Variants in SUGCT observed in about 807,000 individuals in gnomAD.
SUGCT encodes succinyl-CoA:glutarate CoA-transferase.
SUGCT carries 41 observed loss-of-function variants against 55.0 expected under a neutral mutation model. That is an observed-to-expected ratio of 0.74 (90% CI 0.58 to 0.97). The LOEUF (loss-of-function observed/expected upper bound fraction) is 0.97, where lower values mean the gene tolerates loss of function less well. Ranked by LOEUF, SUGCT falls within the 50% of genes least tolerant of loss-of-function variation. The pLI is 0.00. For missense variants in SUGCT, 568 were observed against 547.8 expected (o/e 1.04, Z -0.37); for synonymous variants, 187 against 200.4 (o/e 0.93, Z 0.56).
intron 12 of SUGCT, among the ~76,000 whole-genome samples, chr7:40,532,842 T>C (rs1187382532): frequency 3.3e-5 from 5 of 152,172 alleles, no homozygotes; most frequent in African/African-American, 1.2e-4. Flanking sequence ...CGTATGTGAA[T>C]TATGAATACA....
At chr7:40,974,676 A>T in the SUGCT span, among the ~76,000 whole-genome samples, 1 of 152,172 alleles carries the variant, frequency 6.6e-6, no homozygotes, top group African/African-American at 2.4e-5. Flanking sequence ...GGCAGGTGGA[A>T]GTCCAATCAC....
intron 6 of SUGCT, among the ~76,000 whole-genome samples, chr7:40,237,403 C>A (rs1242550973): frequency 6.6e-6 from 1 of 151,910 alleles, no homozygotes; most frequent in Admixed American, 6.6e-5. Flanking sequence ...GAGATCGAAC[C>A]ACTACACTCC....
At chr7:40,804,880 TA>T (rs1455487767) in intron 13 of SUGCT, among the ~76,000 whole-genome samples, 12 of 152,190 alleles carry the variant, frequency 7.9e-5, no homozygotes, top group African/African-American at 2.7e-4. Flanking sequence ...ATTCTGTTAA[TA>T]ATGCTAGAAA....
At chr7:40,470,929 G>A (rs977368305) in intron 11 of SUGCT, among the ~76,000 whole-genome samples, 1 of 152,030 alleles carries the variant, frequency 6.6e-6, no homozygotes, top group Non-Finnish European at 1.5e-5. Flanking sequence ...TTTGGAAAGA[G>A]AAAAAATCCA....
the SUGCT span, among the ~76,000 whole-genome samples, chr7:41,026,364 G>T: frequency 6.6e-6 from 1 of 152,148 alleles, no homozygotes; most frequent in Non-Finnish European, 1.5e-5. Flanking sequence ...ACTCCTGCAG[G>T]CATCTAGTTT....
At chr7:40,465,127 C>G (rs2151458312) in intron 11 of SUGCT, among the ~76,000 whole-genome samples, 1 of 152,222 alleles carries the variant, frequency 6.6e-6, no homozygotes, top group East Asian at 1.9e-4. Context: ...TGTGGCAATT[C>G]CTTTAGTAAA....
chr7:40,343,988 A>G (rs575773825), intron 9 of SUGCT, among the ~76,000 whole-genome samples: 112 of 152,296 alleles, frequency 7.4e-4, no homozygotes, highest in African/African-American at 2.6e-3. Flanking sequence ...ACTGCCTTCC[A>G]TGCAAACCTT....
At chr7:40,486,221 G>A (rs1404458257) in intron 11 of SUGCT, among the ~76,000 whole-genome samples, 2 of 152,216 alleles carry the variant, frequency 1.3e-5, no homozygotes, top group African/African-American at 2.4e-5. Context: ...GTATATTTAG[G>A]AATGTATCTG....
intron 12 of SUGCT, among the ~76,000 whole-genome samples, chr7:40,610,842 G>A (rs1200787243): frequency 3.9e-5 from 6 of 152,136 alleles, no homozygotes; most frequent in South Asian, 2.1e-4. Flanking sequence ...TTAAGACTTC[G>A]AATTCCATCA....
At chr7:40,313,883 C>A (rs998269869) in intron 8 of SUGCT, among the ~76,000 whole-genome samples, 2 of 151,946 alleles carry the variant, frequency 1.3e-5, no homozygotes, top group African/African-American at 4.8e-5. Flanking sequence ...TGAGCCACTG[C>A]TCCTGGCCCA....
At chr7:40,664,006 T>G (rs1417339468) in intron 12 of SUGCT, among the ~76,000 whole-genome samples, 1 of 152,024 alleles carries the variant, frequency 6.6e-6, no homozygotes, top group Admixed American at 6.5e-5. Context: ...ATTGTCCTTA[T>G]AAAAAGGGAA....
chr7:40,988,796 A>T, the SUGCT span, among the ~76,000 whole-genome samples: 1 of 152,182 alleles, frequency 6.6e-6, no homozygotes, highest in Admixed American at 6.6e-5. Flanking sequence ...AGACATAAGA[A>T]AATGCTGAAA....
At position 40,440,145 on chromosome 7, in the gene SUGCT, GTTTTTTTTTT is replaced by G. The variant is rs138984553; in HGVS notation, c.817-9119_817-9110del. On this transcript the variant is annotated intron_variant, in intron 9 of 13. Transcript: ENST00000335693. ...TCAAGTTTTTTGTCTGTGTGTGTGT[GTTTTTTTTTT>G]TTTTTTTTTTTTTTTTTTTTTTAAG... 8.7e-3 allele frequency among the ~76,000 whole-genome samples: 598 copies of G among 68,454 alleles called. 2 individuals carry two copies. The highest frequency in any genetic ancestry group is 0.038 in the African/African-American group (568 of 14,924). 44.9% of individuals were successfully genotyped at this position (68,454 alleles called of 152,430 possible). A position where few individuals can be genotyped will look rare whatever the true frequency, so the allele number is the denominator to read the frequency against.
At chr7:40,279,001 ATTT>A (rs111686538) in intron 8 of SUGCT, among the ~76,000 whole-genome samples, 1 of 122,990 alleles carries the variant, frequency 8.1e-6, no homozygotes, top group Non-Finnish European at 1.8e-5. Context: ...TAATTTTTGT[ATTT>A]TTTTTTTTTT....
At chr7:40,563,914 T>G (rs1395373501) in intron 12 of SUGCT, among the ~76,000 whole-genome samples, 1 of 151,936 alleles carries the variant, frequency 6.6e-6, no homozygotes. Context: ...TAAAAAGTAG[T>G]CCCCCAGAGA....
intron 12 of SUGCT, among the ~76,000 whole-genome samples, chr7:40,501,461 C>T (rs546132070): frequency 1.3e-5 from 2 of 152,030 alleles, no homozygotes; most frequent in African/African-American, 2.4e-5. Context: ...GTTAAAATGT[C>T]GAATAAGAAT....
At chr7:40,193,991 G>T in intron 5 of SUGCT, among the ~76,000 whole-genome samples, 1 of 151,954 alleles carries the variant, frequency 6.6e-6, no homozygotes, top group East Asian at 1.9e-4. Flanking sequence ...TAAAATTAAG[G>T]TTTACAATGC....
the SUGCT span, among the ~76,000 whole-genome samples, chr7:41,009,269 G>A: frequency 1.3e-5 from 2 of 149,792 alleles, no homozygotes; most frequent in Non-Finnish European, 3.0e-5. Context: ...TGAAAGATTC[G>A]ATTTCACAGT....
At chr7:40,419,114 A>T (rs1171415853) in intron 9 of SUGCT, among the ~76,000 whole-genome samples, 2 of 152,218 alleles carry the variant, frequency 1.3e-5, no homozygotes, top group Non-Finnish European at 2.9e-5. Flanking sequence ...TAATAAAAAT[A>T]TGTGCTCATT....
Sources: allele counts gnomAD v4.1 joint callset (sites outside exome capture counted in the v4.1 genomes callset), GRCh38; gene constraint gnomAD v4.1.1; transcripts MANE v1.5; gene names NCBI Gene and HGNC (gene_info 2026-07-23, HGNC 2026-07-21).